The following PAMR1 variants were observed in gnomAD, a reference collection of about 807,000 sequenced individuals.
PAMR1 encodes inactive serine protease PAMR1.
A neutral mutation model predicts 81.8 loss-of-function variants in PAMR1; 88 were observed. That is an observed-to-expected ratio of 1.08 (90% confidence interval 0.91 to 1.28). PAMR1 has a LOEUF of 1.28. Among genes scored for constraint, PAMR1 ranks in the 50% most tolerant of loss-of-function variants. PAMR1 has a pLI of 0.00. For synonymous variants in PAMR1, 336 were observed against 345.3 expected (o/e 0.97, Z 0.30); for missense variants, 935 against 919.7 (o/e 1.02, Z -0.21).
rs763160699 is a variant in PAMR1 at position 35,474,744 on chromosome 11, C to A, written c.380G>T (p.Arg127Leu). The A allele has an allele frequency of 1.9e-5, 31 of 1,599,720 alleles. No homozygotes were observed. Among genetic ancestry groups the A allele is most frequent in the Non-Finnish European group, 2.5e-5 (29 of 1,171,214 alleles). The change falls in exon 4 of 11, where the codon CGA becomes CTA. Residue 127 changes from arginine to leucine, a missense_variant and splice_region_variant. Arg to Leu is a moderately radical substitution (Grantham distance 102). Coordinates refer to ENST00000619888, the MANE Select transcript of PAMR1 (RefSeq NM_001001991.3). ...RAGWYGGDCM[R>L]CGQVLRAPKG... ...TGGGGCTCGCAGAACCTGGCCACAT[C>A]CTAAGAAAAGAAGAAAAGATTGGGA...
At position 35,445,962 on chromosome 11, in the gene PAMR1, T is replaced by C. The variant is rs149197112; in HGVS notation, c.821-4269A>G. Among the ~76,000 whole-genome samples, 451 of 152,348 alleles carry C rather than the reference T, an allele frequency of 3.0e-3. 1 individual carries two copies. The highest frequency in any genetic ancestry group is 0.01 in the African/African-American group (436 of 41,576). On this transcript the variant is annotated intron_variant, in intron 6 of 10. Transcript: ENST00000619888. ...ATTCAGCCATAAATCCATCTGGTCC[T>C]GGGCTTCTTTTGATTGGTAGGCTAT...
At chr11:35,514,083 C>A (rs1017600415) in intron 1 of PAMR1, among the ~76,000 whole-genome samples, 1 of 131,698 alleles carries the variant, frequency 7.6e-6, no homozygotes, top group Non-Finnish European at 1.8e-5. Context: ...ATGGAATCTG[C>A]CCCTCCTTTA....
chr11:35,516,907 C>G (rs546924186), intron 1 of PAMR1, among the ~76,000 whole-genome samples: 1 of 151,914 alleles, frequency 6.6e-6, no homozygotes, highest in Admixed American at 6.6e-5. Flanking sequence ...GCAGCTCAAA[C>G]AAATAATCGC....
chr11:35,503,907 G>A (rs905737345), intron 1 of PAMR1, among the ~76,000 whole-genome samples: 2 of 152,054 alleles, frequency 1.3e-5, no homozygotes, highest in Non-Finnish European at 2.9e-5. Context: ...GTATTATAAT[G>A]AATAATAAAA....
At position 35,469,638 on chromosome 11, in the gene PAMR1, G is replaced by T. The variant is rs150888675; in HGVS notation, c.712+963C>A. On this transcript the variant is annotated intron_variant, in intron 5 of 10. Coordinates refer to ENST00000619888, the MANE Select transcript of PAMR1 (RefSeq NM_001001991.3). The stretch of plus-strand genomic sequence containing the variant: ...TCCTGTAGGCAGCCTCCTAAAAGAG[G>T]GGTAGACCGGGGAGCAGGGTCTCCT... Among the ~76,000 whole-genome samples the T allele has an allele frequency of 8.5e-5, 13 of 152,278 alleles. No individual in the cohort carries two copies. In the East Asian group the frequency reaches 2.5e-3, roughly 29 times the overall value.
At chr11:35,440,566 G>A (rs563296792) in intron 7 of PAMR1, among the ~76,000 whole-genome samples, 3 of 152,288 alleles carry the variant, frequency 2.0e-5, no homozygotes, top group South Asian at 4.1e-4. Flanking sequence ...ACAAGGACAT[G>A]TTTTCTTCCC....
chr11:35,508,901 G>A (rs1193904856), intron 1 of PAMR1, among the ~76,000 whole-genome samples: 4 of 152,108 alleles, frequency 2.6e-5, no homozygotes, highest in African/African-American at 9.7e-5. Context: ...TGGCTGTGTA[G>A]TATTCCATTG....
At chr11:35,436,338 G>C (rs1856043864) in intron 8 of PAMR1, 1 of 534,914 alleles carries the variant, frequency 1.9e-6, no homozygotes. Flanking sequence ...AGGATGGAGT[G>C]TAGTGATGCG....
intron 1 of PAMR1, among the ~76,000 whole-genome samples, chr11:35,524,114 G>A (rs923046428): frequency 2.0e-5 from 3 of 152,116 alleles, no homozygotes; most frequent in Non-Finnish European, 2.9e-5. Flanking sequence ...ATGCAAAGGC[G>A]AAGATGAAGT....
chr11:35,502,782 G>A (rs913863515), intron 1 of PAMR1, among the ~76,000 whole-genome samples: 8 of 151,970 alleles, frequency 5.3e-5, no homozygotes, highest in Non-Finnish European at 8.8e-5. Flanking sequence ...CTCTCATTCT[G>A]TGGTTGTCTC....
At chr11:35,489,449 C>T (rs972266569) in intron 3 of PAMR1, among the ~76,000 whole-genome samples, 14 of 152,226 alleles carry the variant, frequency 9.2e-5, no homozygotes, top group South Asian at 2.1e-4. Context: ...TCCCCTGAAG[C>T]GCTGCAATCG....
intron 1 of PAMR1, among the ~76,000 whole-genome samples, chr11:35,519,201 A>T (rs1159461581): frequency 6.6e-6 from 1 of 152,220 alleles, no homozygotes; most frequent in Non-Finnish European, 1.5e-5. Context: ...TCTGATAGAC[A>T]GTAGATCCTC....
At chr11:35,482,513 A>G (rs573894234) in intron 3 of PAMR1, among the ~76,000 whole-genome samples, 71 of 152,318 alleles carry the variant, frequency 4.7e-4, no homozygotes, top group African/African-American at 1.7e-3. Context: ...TGTTTTGGCT[A>G]TATGAGTTCT....
Position 35,458,574 on chromosome 11 carries a change from T to G in PAMR1, c.820+9427A>C, listed in dbSNP as rs552175687. On this transcript the variant is annotated intron_variant, in intron 6 of 10. Coordinates refer to ENST00000619888, the MANE Select transcript of PAMR1 (RefSeq NM_001001991.3). ...TGGAGCTATAAGATTATCTGAGAGT[T>G]CCAGCAAAGGAAACAGATCCAGAGT... is the stretch of plus-strand genomic sequence containing the variant. Among the ~76,000 whole-genome samples, 4 of 152,296 alleles carry G rather than the reference T, an allele frequency of 2.6e-5. No individual in the cohort carries two copies. In the South Asian group the frequency reaches 8.3e-4, roughly 32 times the overall value.
intron 1 of PAMR1, among the ~76,000 whole-genome samples, chr11:35,515,801 T>C (rs540187097): frequency 6.6e-6 from 1 of 152,028 alleles, no homozygotes; most frequent in Non-Finnish European, 1.5e-5. Context: ...AGAGAGCAAG[T>C]GTCAACAGAC....
At chr11:35,441,740 T>C (rs762193264) in intron 6 of PAMR1, 47 bp from the exon 7 acceptor site, 7 of 1,318,776 alleles carry the variant, frequency 5.3e-6, no homozygotes, top group South Asian at 5.3e-5. Context: ...GTCTGAGTTA[T>C]TCCATTTTAG....
chr11:35,495,287 T>C (rs1850705255), intron 1 of PAMR1, among the ~76,000 whole-genome samples: 1 of 152,124 alleles, frequency 6.6e-6, no homozygotes, highest in Non-Finnish European at 1.5e-5. Flanking sequence ...GGTGAACTCA[T>C]TAGCCCAACT....
rs1415058092 is a variant in PAMR1, at chr11:35,435,969, C to G, written c.1267G>C (p.Gly423Arg). 1 of 1,614,182 alleles carries G rather than the reference C, an allele frequency of 6.2e-7. No individual in the cohort carries two copies. Among genetic ancestry groups the G allele is most frequent in the Admixed American group, 1.7e-5 (1 of 60,018 alleles). ...ECISPFYRRL[G>R]SSRRTCLRTG... is the part of the protein sequence containing the mutation. ...CTCAGACATGTCCTCCTGCTGCTGCCCAGGCGGCGGTAGAAGGGTGAGATG... is the reference window on the plus strand; with the variant it reads ...CTCAGACATGTCCTCCTGCTGCTGCGCAGGCGGCGGTAGAAGGGTGAGATG... The change falls in exon 9 of 11, where the codon GGC becomes CGC. Residue 423 changes from glycine (G) to arginine (R), a missense_variant. Gly to Arg is a moderately radical substitution (Grantham distance 125). Transcript: ENST00000619888.
At chr11:35,524,283 T>A (rs896602758) in intron 1 of PAMR1, among the ~76,000 whole-genome samples, 1 of 152,174 alleles carries the variant, frequency 6.6e-6, no homozygotes, top group African/African-American at 2.4e-5. Flanking sequence ...ACTCACCATC[T>A]TTATTGTAAA....
Sources: allele counts gnomAD v4.1 joint callset (sites outside exome capture counted in the v4.1 genomes callset), GRCh38; gene constraint gnomAD v4.1.1; transcripts MANE v1.5; gene names NCBI Gene and HGNC (gene_info 2026-07-23, HGNC 2026-07-21).